Variants in ERBB4 observed in about 807,000 individuals in gnomAD.
The protein encoded by ERBB4 is receptor tyrosine-protein kinase erbB-4.
A neutral mutation model predicts 158.0 loss-of-function variants in ERBB4; 42 were observed. The observed-to-expected ratio is 0.27, with a 90% confidence interval of 0.21 to 0.34. The LOEUF (loss-of-function observed/expected upper bound fraction) is 0.34, where lower values mean the gene tolerates loss of function less well. Among genes scored for constraint, ERBB4 ranks in the 10% least tolerant of loss-of-function variants. The pLI, the probability that ERBB4 is intolerant of heterozygous loss-of-function variation, is 1.00. For missense variants in ERBB4, 1,333 were observed against 1,624.1 expected, an observed-to-expected ratio of 0.82 and a Z score of 3.08; for synonymous variants, 583 against 558.7, an observed-to-expected ratio of 1.04 and a Z score of -0.61.
intron 2 of ERBB4, among the ~76,000 whole-genome samples, chr2:212,059,391 C>T (rs1202166049): frequency 1.3e-5 from 2 of 152,142 alleles, no homozygotes; most frequent in African/African-American, 4.8e-5. Context: ...AGATCCAATG[C>T]CATCCCCATC....
At chr2:211,832,737 G>A (rs36022387) in intron 3 of ERBB4, among the ~76,000 whole-genome samples, 1 of 150,830 alleles carries the variant, frequency 6.6e-6, no homozygotes, top group South Asian at 2.1e-4. Flanking sequence ...GAACCATCCT[G>A]GATAGAACAG....
intron 4 of ERBB4, among the ~76,000 whole-genome samples, chr2:211,751,864 T>C (rs1169085625): frequency 6.6e-6 from 1 of 152,194 alleles, no homozygotes; most frequent in East Asian, 1.9e-4. Flanking sequence ...CTCAGACCAT[T>C]CAGATTGTCT....
intron 20 of ERBB4, among the ~76,000 whole-genome samples, chr2:211,547,773 G>A (rs1220738252): frequency 6.6e-6 from 1 of 151,234 alleles, no homozygotes; most frequent in Non-Finnish European, 1.5e-5. Context: ...AAAAAAAAAA[G>A]TACCGTAAAA....
intron 1 of ERBB4, among the ~76,000 whole-genome samples, chr2:212,251,296 ACATT>A (rs1410601927): frequency 6.6e-6 from 1 of 152,064 alleles, no homozygotes; most frequent in Admixed American, 6.6e-5. Context: ...CAGCATGTAT[ACATT>A]CATTTATTTA....
At chr2:212,326,692 C>A (rs1574689425) in intron 1 of ERBB4, among the ~76,000 whole-genome samples, 1 of 150,870 alleles carries the variant, frequency 6.6e-6, no homozygotes, top group East Asian at 1.9e-4. Flanking sequence ...GATTTTCATG[C>A]TGTCCCAAAG....
intron 1 of ERBB4, among the ~76,000 whole-genome samples, chr2:212,397,391 T>G (rs7575393): frequency 0.26 from 39,017 of 151,704 alleles, 5,775 homozygotes; most frequent in African/African-American, 0.41. Context: ...GAGTATCAGT[T>G]GAGCCTTAGA....
intron 16 of ERBB4, among the ~76,000 whole-genome samples, chr2:211,649,198 A>G (rs1482686003): frequency 6.6e-6 from 1 of 151,902 alleles, no homozygotes; most frequent in African/African-American, 2.4e-5. Context: ...ATTAAAACTA[A>G]GAGAAAGACA....
chr2:211,683,109 ATATTT>A (rs149105580), intron 12 of ERBB4, among the ~76,000 whole-genome samples: 3,545 of 151,758 alleles, frequency 0.023, 131 homozygotes, highest in African/African-American at 0.081. Flanking sequence ...TTTAAATTTA[ATATTT>A]TATTCTGAAA....
intron 19 of ERBB4, among the ~76,000 whole-genome samples, chr2:211,593,659 A>G (rs1166576507): frequency 6.6e-6 from 1 of 152,216 alleles, no homozygotes; most frequent in Non-Finnish European, 1.5e-5. Context: ...GTTGTCACAC[A>G]AAGATACTCT....
intron 2 of ERBB4, among the ~76,000 whole-genome samples, chr2:212,083,991 C>G (rs1049441918): frequency 6.6e-6 from 1 of 150,746 alleles, no homozygotes; most frequent in Non-Finnish European, 1.5e-5. Flanking sequence ...ATAGGTCTTT[C>G]CTTCTCTCAT....
At chr2:212,173,121 T>C (rs1156352918) in intron 1 of ERBB4, among the ~76,000 whole-genome samples, 1 of 152,120 alleles carries the variant, frequency 6.6e-6, no homozygotes, top group Non-Finnish European at 1.5e-5. Flanking sequence ...CTTAAAAAAC[T>C]TAATTGATCT....
intron 2 of ERBB4, among the ~76,000 whole-genome samples, chr2:211,964,268 C>T (rs1268264179): frequency 6.6e-6 from 1 of 152,110 alleles, no homozygotes; most frequent in East Asian, 1.9e-4. Flanking sequence ...CTTCTCATTC[C>T]AATCCTCTTC....
chr2:211,594,097 CCTT>C (rs1322020862), intron 19 of ERBB4, among the ~76,000 whole-genome samples: 3 of 152,004 alleles, frequency 2.0e-5, no homozygotes, highest in Admixed American at 6.5e-5. Context: ...CGAGGCATAT[CCTT>C]CTTGGTGGAA....
At chr2:211,395,402 T>C (rs1212164835) in intron 25 of ERBB4, among the ~76,000 whole-genome samples, 1 of 152,086 alleles carries the variant, frequency 6.6e-6, no homozygotes, top group Non-Finnish European at 1.5e-5. Context: ...TGAGTTCCCA[T>C]CCAATGTACA....
In ERBB4 at chr2:212,255,763, C is replaced by T. The variant is rs116063393; in HGVS notation, c.83-130860G>A. On this transcript the variant is annotated intron_variant, in intron 1 of 27. Coordinates refer to ENST00000342788, the MANE Select transcript of ERBB4 (RefSeq NM_005235.3). ...AAATTTTTGGACGTGGGATGCTAAACCTGAATTTAAAAATATATTAACTCT... is the reference window on the plus strand; with the variant it reads ...AAATTTTTGGACGTGGGATGCTAAATCTGAATTTAAAAATATATTAACTCT... Among the ~76,000 whole-genome samples, 738 of 152,156 alleles carry T rather than the reference C, an allele frequency of 4.9e-3. 7 individuals are homozygous for T. The highest frequency in any genetic ancestry group is 0.017 in the Middle Eastern group (5 of 294).
At chr2:211,822,377 C>G (rs1011639147) in intron 3 of ERBB4, among the ~76,000 whole-genome samples, 2 of 151,944 alleles carry the variant, frequency 1.3e-5, no homozygotes, top group African/African-American at 4.8e-5. Flanking sequence ...TTATGTGTAT[C>G]ACAACATCAC....
intron 1 of ERBB4, among the ~76,000 whole-genome samples, chr2:212,192,060 A>ATGT (rs1559708033): frequency 1.7e-5 from 2 of 119,862 alleles, no homozygotes; most frequent in East Asian, 4.3e-4. Flanking sequence ...TATATGTTAT[A>ATGT]TATGTTATAT....
At chr2:212,537,451 G>C (rs1194270352) in intron 1 of ERBB4, among the ~76,000 whole-genome samples, 1 of 152,138 alleles carries the variant, frequency 6.6e-6, no homozygotes, top group East Asian at 2.0e-4. Context: ...CATTAGTCCT[G>C]CAAGCCGTGG....
chr2:212,213,867 C>A (rs991042496), intron 1 of ERBB4, among the ~76,000 whole-genome samples: 5 of 151,682 alleles, frequency 3.3e-5, no homozygotes, highest in Non-Finnish European at 7.4e-5. Flanking sequence ...GGTTTTCAGG[C>A]CAAAAGGCAA....
Sources: gnomAD v4.1 joint callset for allele counts (sites outside exome capture counted in the v4.1 genomes callset) on GRCh38, gnomAD v4.1.1 for gene constraint, MANE v1.5 for transcripts, NCBI Gene and HGNC (gene_info 2026-07-23, HGNC 2026-07-21) for gene names.